Variants in DMD observed in about 807,000 individuals in gnomAD.
The protein encoded by DMD is dystrophin.
DMD carries 63 observed loss-of-function variants against 330.1 expected under a neutral mutation model. That is an observed-to-expected ratio of 0.19 (90% CI 0.16 to 0.24). DMD has a LOEUF of 0.24. DMD is among the 10% of genes least tolerant of loss of function. DMD has a pLI of 1.00. For missense variants in DMD, 3,344 were observed against 2,684.1 expected, an observed-to-expected ratio of 1.25 and a Z score of -5.43; for synonymous variants, 1,223 against 959.8, an observed-to-expected ratio of 1.27 and a Z score of -5.07.
chrX:31,548,009 A>C (rs1282227103), intron 55 of DMD, among the ~76,000 whole-genome samples: 1 of 111,911 alleles, frequency 8.9e-6, no homozygotes, highest in East Asian at 2.8e-4. Flanking sequence ...AAGCCTCCAG[A>C]TCTGGAGCAA....
At chrX:32,362,122 A>G (rs1273537520) in intron 37 of DMD, among the ~76,000 whole-genome samples, 1 of 112,032 alleles carries the variant, frequency 8.9e-6, no homozygotes, top group African/African-American at 3.2e-5. Flanking sequence ...CTTCTTAAAC[A>G]GTAATATAAA....
At chrX:31,450,472 T>C (rs1004777623) in intron 59 of DMD, among the ~76,000 whole-genome samples, 1 of 112,266 alleles carries the variant, frequency 8.9e-6, no homozygotes, top group Non-Finnish European at 1.9e-5. Context: ...GTTGAAACAA[T>C]TAAAAAGAAA....
chrX:32,071,772 A>G (rs1271404172), intron 44 of DMD, among the ~76,000 whole-genome samples: 1 of 111,794 alleles, frequency 8.9e-6, no homozygotes, highest in Non-Finnish European at 1.9e-5. Context: ...ATAAAAAAGA[A>G]TATCATTTGC....
chrX:33,314,938 C>G (rs192241075), intron 1 of DMD, among the ~76,000 whole-genome samples: 2 of 111,126 alleles, frequency 1.8e-5, no homozygotes, highest in East Asian at 5.7e-4. Flanking sequence ...CCTGCCTCAG[C>G]CTCCCAAGTA....
intron 1 of DMD, among the ~76,000 whole-genome samples, chrX:33,221,673 T>C (rs756141553): frequency 5.8e-4 from 63 of 109,490 alleles, no homozygotes; most frequent in African/African-American, 2.0e-3. Context: ...GTATCAGAAA[T>C]GAAGTAGGGA....
Position 31,240,890 on chromosome X carries a change from C to T in DMD, c.9287-17769G>A, listed in dbSNP as rs186976698. 1.6e-3 allele frequency among the ~76,000 whole-genome samples: 180 copies of T among 111,577 alleles called. 1 individual carries two copies. Among genetic ancestry groups the T allele is most frequent in the African/African-American group, 5.6e-3 (172 of 30,816 alleles). On this transcript the variant is annotated intron_variant, in intron 63 of 78. Coordinates refer to ENST00000357033, the MANE Select transcript of DMD (RefSeq NM_004006.3). Reference sequence around the variant, plus strand: ...ACCCTAAAGCCCTTCCTCTTCATCACTATGGTCTCCCAATAAGCTTGGTCT... The same window carrying T: ...ACCCTAAAGCCCTTCCTCTTCATCATTATGGTCTCCCAATAAGCTTGGTCT...
chrX:31,395,914 G>T (rs905462828), intron 60 of DMD, among the ~76,000 whole-genome samples: 2 of 111,954 alleles, frequency 1.8e-5, no homozygotes, highest in African/African-American at 3.2e-5. Context: ...AAACAATGAA[G>T]AATTTATGGG....
Position 32,582,853 on chromosome X carries a change from T to C in DMD, c.1603-9007A>G, listed in dbSNP as rs566836659. Among the ~76,000 whole-genome samples the C allele has an allele frequency of 2.7e-4, 30 of 111,345 alleles. No individual in the cohort carries two copies. The South Asian group carries it at 7.3e-3, about 27-fold the overall frequency. ...ATTCTCTGCCTCTTTGAGATGTAAA[T>C]CTTCTACAATCCGGGAATATCTTTC... On this transcript the variant is annotated intron_variant, in intron 13 of 78. Coordinates refer to ENST00000357033, the MANE Select transcript of DMD (RefSeq NM_004006.3).
At chrX:32,537,317 A>T in intron 17 of DMD, among the ~76,000 whole-genome samples, 1 of 111,880 alleles carries the variant, frequency 8.9e-6, no homozygotes, top group East Asian at 2.8e-4. Flanking sequence ...TGAATCAAAA[A>T]TATAGGTGAT....
chrX:32,376,803 G>T (rs2097905043), intron 34 of DMD, among the ~76,000 whole-genome samples: 1 of 110,350 alleles, frequency 9.1e-6, no homozygotes, highest in Non-Finnish European at 1.9e-5. Flanking sequence ...AACCGCATTG[G>T]TGACATGAAT....
intron 44 of DMD, among the ~76,000 whole-genome samples, chrX:32,119,271 T>C (rs2096624695): frequency 9.6e-6 from 1 of 103,788 alleles, no homozygotes; most frequent in Non-Finnish European, 2.0e-5. Context: ...GACGCGGAGG[T>C]TTCAGTGAGC....
intron 7 of DMD, among the ~76,000 whole-genome samples, chrX:32,770,406 A>C (rs1041462457): frequency 4.5e-5 from 5 of 111,820 alleles, no homozygotes; most frequent in African/African-American, 1.6e-4. Context: ...ACAATGATTT[A>C]ATACAATATA....
chrX:32,800,955 G>T (rs1188053782), intron 7 of DMD, among the ~76,000 whole-genome samples: 2 of 111,325 alleles, frequency 1.8e-5, no homozygotes, highest in African/African-American at 3.3e-5. Flanking sequence ...TATCATTGAT[G>T]GGCATTTGGG....
chrX:31,623,747 T>C (rs1440189268), intron 55 of DMD, among the ~76,000 whole-genome samples: 1 of 111,211 alleles, frequency 9.0e-6, no homozygotes, highest in Non-Finnish European at 1.9e-5. Flanking sequence ...TTGAAAGATA[T>C]GGCCTGAGAC....
At chrX:32,933,609 T>A (rs1242363931) in intron 2 of DMD, among the ~76,000 whole-genome samples, 1 of 111,701 alleles carries the variant, frequency 9.0e-6, no homozygotes, top group East Asian at 2.8e-4. Context: ...CTGGCACAAA[T>A]GGATCTATCC....
At chrX:33,039,710 TA>T (rs2094266295) in intron 1 of DMD, among the ~76,000 whole-genome samples, 1 of 110,941 alleles carries the variant, frequency 9.0e-6, no homozygotes, top group Non-Finnish European at 1.9e-5. Context: ...CCATCTAAAG[TA>T]AGGGTAACTG....
chrX:31,321,607 A>AAAGAAAGAAAG (rs1556500805), intron 62 of DMD, among the ~76,000 whole-genome samples: 30 of 89,277 alleles, frequency 3.4e-4, no homozygotes, highest in African/African-American at 1.6e-3. Context: ...AAAAAAAAAA[A>AAAGAAAGAAAG]AAAGAAAGAA....
intron 2 of DMD, among the ~76,000 whole-genome samples, chrX:33,010,073 A>ATATACGTGTATATAAACAC (rs1569549210): frequency 3.7e-5 from 2 of 53,684 alleles, no homozygotes; most frequent in African/African-American, 2.3e-4. Flanking sequence ...TATATACACA[A>ATATACGTGTATATAAACAC]ATGTGCACAT....
chrX:31,274,740 T>C (rs755815088), intron 62 of DMD, among the ~76,000 whole-genome samples: 2 of 112,567 alleles, frequency 1.8e-5, no homozygotes, highest in Admixed American at 9.4e-5. Flanking sequence ...TATTATCCTA[T>C]ATTAAGTTCT....
Sources: gnomAD v4.1 joint callset for allele counts (sites outside exome capture counted in the v4.1 genomes callset) on GRCh38, gnomAD v4.1.1 for gene constraint, MANE v1.5 for transcripts, NCBI Gene and HGNC (gene_info 2026-07-23, HGNC 2026-07-21) for gene names.